Variants in WWOX observed in about 807,000 individuals in gnomAD.
WWOX encodes WW domain-containing oxidoreductase.
In WWOX, 69 loss-of-function variants were observed where a neutral mutation model predicts 46.2. The observed-to-expected ratio is 1.49, with a 90% confidence interval of 1.23 to 1.82. The LOEUF is 1.82. Ranked by LOEUF, WWOX falls within the 40% of genes most tolerant of loss-of-function variation. The probability of loss-of-function intolerance (pLI) is 0.00; values close to 1 mark genes in which losing one functional copy is unlikely to be tolerated. For missense variants in WWOX, 919 were observed against 542.6 expected, an observed-to-expected ratio of 1.69 and a Z score of -6.89; for synonymous variants, 359 against 202.6, an observed-to-expected ratio of 1.77 and a Z score of -6.56.
At chr16:78,198,737 T>C (rs990664438) in intron 5 of WWOX, among the ~76,000 whole-genome samples, 3 of 152,216 alleles carry the variant, frequency 2.0e-5, no homozygotes, top group Non-Finnish European at 2.9e-5. Context: ...CCCATTATGT[T>C]TGTAACTTCA....
chr16:78,889,754 C>A (rs1253405122), intron 8 of WWOX, among the ~76,000 whole-genome samples: 1 of 152,078 alleles, frequency 6.6e-6, no homozygotes, highest in Non-Finnish European at 1.5e-5. Context: ...ATATAGTTCC[C>A]TATTTTGTTT....
At chr16:78,880,255 G>A (rs895869357) in intron 8 of WWOX, among the ~76,000 whole-genome samples, 17 of 152,170 alleles carry the variant, frequency 1.1e-4, no homozygotes, top group Non-Finnish European at 2.4e-4. Context: ...ACCTTACATA[G>A]ATGGAAACAT....
intron 5 of WWOX, among the ~76,000 whole-genome samples, chr16:78,357,335 C>T (rs952726993): frequency 2.6e-5 from 4 of 152,150 alleles, no homozygotes; most frequent in African/African-American, 9.7e-5. Flanking sequence ...CTCAGCACCA[C>T]ACAAACACAC....
chr16:78,621,311 C>T (rs889875096), intron 8 of WWOX, among the ~76,000 whole-genome samples: 4 of 151,982 alleles, frequency 2.6e-5, no homozygotes, highest in Non-Finnish European at 5.9e-5. Flanking sequence ...CTTTTCATGC[C>T]CCCTTCTAAC....
At chr16:78,305,308 A>G (rs1010661070) in intron 5 of WWOX, among the ~76,000 whole-genome samples, 1 of 152,044 alleles carries the variant, frequency 6.6e-6, no homozygotes. Flanking sequence ...AGGTGCTGTT[A>G]ATAGCAAATG....
intron 5 of WWOX, among the ~76,000 whole-genome samples, chr16:78,185,125 C>T (rs957626129): frequency 2.6e-5 from 4 of 152,118 alleles, no homozygotes. Context: ...AGTCTCAGGG[C>T]CAAGGAGTGG....
chr16:78,654,522 T>C (rs1428939634), intron 8 of WWOX, among the ~76,000 whole-genome samples: 1 of 152,184 alleles, frequency 6.6e-6, no homozygotes, highest in East Asian at 1.9e-4. Flanking sequence ...GGTAAAACAA[T>C]AAACTGAGCT....
chr16:79,076,110 G>C (rs886509786), intron 8 of WWOX, among the ~76,000 whole-genome samples: 1 of 152,130 alleles, frequency 6.6e-6, no homozygotes, highest in African/African-American at 2.4e-5. Context: ...GCCGAGATTT[G>C]TAAGAGTAAG....
chr16:78,716,558 C>T (rs371249497), intron 8 of WWOX, among the ~76,000 whole-genome samples: 1 of 152,092 alleles, frequency 6.6e-6, no homozygotes, highest in Non-Finnish European at 1.5e-5. Context: ...GTGTGTACTC[C>T]ATGCCAGTGT....
chr16:78,373,756 C>A (rs1216475303), intron 5 of WWOX, among the ~76,000 whole-genome samples: 2 of 152,046 alleles, frequency 1.3e-5, no homozygotes, highest in Non-Finnish European at 2.9e-5. Context: ...TTCTTCACTA[C>A]CAAGTTTTTC....
At chr16:78,621,223 C>T (rs963829396) in intron 8 of WWOX, among the ~76,000 whole-genome samples, 2 of 152,158 alleles carry the variant, frequency 1.3e-5, no homozygotes, top group Non-Finnish European at 2.9e-5. Flanking sequence ...CAGAATAAGG[C>T]TGCCAAGCTC....
At chr16:78,229,695 T>C (rs1597377181) in intron 5 of WWOX, among the ~76,000 whole-genome samples, 1 of 152,090 alleles carries the variant, frequency 6.6e-6, no homozygotes, top group Admixed American at 6.5e-5. Flanking sequence ...ACAGTTTCAG[T>C]GTTGGTAGCT....
chr16:79,144,384 GC>G (rs2050146805), intron 8 of WWOX, among the ~76,000 whole-genome samples: 1 of 152,202 alleles, frequency 6.6e-6, no homozygotes, highest in South Asian at 2.1e-4. Flanking sequence ...AGTTACGAAT[GC>G]CCAGCACTTC....
chr16:78,258,085 A>G (rs1362617641), intron 5 of WWOX, among the ~76,000 whole-genome samples: 1 of 152,208 alleles, frequency 6.6e-6, no homozygotes, highest in Non-Finnish European at 1.5e-5. Flanking sequence ...CTGCTCATTT[A>G]TTAAAATATT....
intron 8 of WWOX, among the ~76,000 whole-genome samples, chr16:79,066,903 T>C (rs918271063): frequency 1.3e-5 from 2 of 152,184 alleles, no homozygotes; most frequent in African/African-American, 4.8e-5. Flanking sequence ...AAAAGGTAGC[T>C]ACCATTGCAG....
chr16:78,136,578 C>T (rs2033796867), intron 4 of WWOX, among the ~76,000 whole-genome samples: 1 of 152,108 alleles, frequency 6.6e-6, no homozygotes, highest in East Asian at 1.9e-4. Flanking sequence ...AAATGTGTAG[C>T]CGTGTTATTC....
In WWOX at chr16:78,967,397, C is replaced by G. The variant is rs868860836; in HGVS notation, c.1057-244211C>G. Among the ~76,000 whole-genome samples, 8 of 150,198 alleles carry G rather than the reference C, an allele frequency of 5.3e-5. No individual in the cohort carries two copies. The East Asian group carries it at 7.8e-4, about 15-fold the overall frequency. ...CTCCCGGGCTCAAGCTTTCCACCCACCTCAGCCTCCTGAGTTGCTGGGACC... is the reference window on the plus strand; with the variant it reads ...CTCCCGGGCTCAAGCTTTCCACCCAGCTCAGCCTCCTGAGTTGCTGGGACC... On this transcript the variant is annotated intron_variant, in intron 8 of 8. Coordinates refer to ENST00000566780, the MANE Select transcript of WWOX (RefSeq NM_016373.4).
At chr16:78,840,924 G>A (rs961180503) in intron 8 of WWOX, among the ~76,000 whole-genome samples, 2 of 151,980 alleles carry the variant, frequency 1.3e-5, no homozygotes, top group Admixed American at 6.6e-5. Flanking sequence ...CTCAATAGTA[G>A]GACTATTGCC....
chr16:79,178,706 T>C (rs2050851356), intron 8 of WWOX, among the ~76,000 whole-genome samples: 1 of 152,178 alleles, frequency 6.6e-6, no homozygotes. Flanking sequence ...CTTCCAAAGG[T>C]ATGGGATGTG....
Sources: allele counts gnomAD v4.1 joint callset (sites outside exome capture counted in the v4.1 genomes callset), GRCh38; gene constraint gnomAD v4.1.1; transcripts MANE v1.5; gene names NCBI Gene and HGNC (gene_info 2026-07-23, HGNC 2026-07-21).